Variants in NCKAP5 observed in about 807,000 individuals in gnomAD.
NCKAP5 encodes the protein nck-associated protein 5.
A neutral mutation model predicts 167.0 loss-of-function variants in NCKAP5; 92 were observed. That is an observed-to-expected ratio of 0.55 (90% CI 0.47 to 0.66). The LOEUF is 0.66. Ranked by LOEUF, NCKAP5 falls within the 30% of genes least tolerant of loss-of-function variation. The probability of loss-of-function intolerance (pLI) is 0.00; values close to 1 mark genes in which losing one functional copy is unlikely to be tolerated. For missense variants in NCKAP5, 2,378 were observed against 2,315.0 expected, an observed-to-expected ratio of 1.03 and a Z score of -0.56; for synonymous variants, 891 against 877.4, an observed-to-expected ratio of 1.02 and a Z score of -0.27.
the NCKAP5 span, among the ~76,000 whole-genome samples, chr2:133,661,735 C>T: frequency 6.6e-6 from 1 of 152,084 alleles, no homozygotes; most frequent in Non-Finnish European, 1.5e-5. Context: ...TCCCAACCAT[C>T]CCCCCATACC....
At chr2:133,251,917 T>C (rs2088361315) in intron 4 of NCKAP5, among the ~76,000 whole-genome samples, 1 of 152,204 alleles carries the variant, frequency 6.6e-6, no homozygotes, top group Non-Finnish European at 1.5e-5. Context: ...ATTGGAGTGG[T>C]TCTTTGAAAT....
At chr2:132,811,781 G>A (rs969698592) in intron 11 of NCKAP5, among the ~76,000 whole-genome samples, 2 of 152,240 alleles carry the variant, frequency 1.3e-5, no homozygotes, top group South Asian at 4.2e-4. Flanking sequence ...CTGAGTTCTG[G>A]CTAGGAAGCG....
At chr2:133,568,102 G>A (rs539483586) in intron 1 of NCKAP5, 114 bp downstream of exon 1, 1 of 152,070 alleles carries the variant, frequency 6.6e-6, no homozygotes, top group Non-Finnish European at 1.5e-5. Context: ...TGTGACAGCC[G>A]AAAGAGCCTG....
At chr2:132,907,764 T>G (rs1218678934) in intron 8 of NCKAP5, among the ~76,000 whole-genome samples, 1 of 152,052 alleles carries the variant, frequency 6.6e-6, no homozygotes, top group Non-Finnish European at 1.5e-5. Flanking sequence ...TTCACGCCAT[T>G]CTCCTGCCTC....
chr2:132,965,355 G>C (rs1397601235), intron 7 of NCKAP5, among the ~76,000 whole-genome samples: 2 of 152,154 alleles, frequency 1.3e-5, no homozygotes, highest in African/African-American at 4.8e-5. Flanking sequence ...TTGGTCACCT[G>C]TCAGACTTAC....
At chr2:133,160,443 T>C (rs1254185709) in intron 5 of NCKAP5, among the ~76,000 whole-genome samples, 7 of 147,992 alleles carry the variant, frequency 4.7e-5, no homozygotes, top group East Asian at 4.1e-4. Flanking sequence ...CTTTTTCTTT[T>C]TTTTTTTTTT....
chr2:132,860,126 C>T (rs763170171), intron 11 of NCKAP5, among the ~76,000 whole-genome samples: 2 of 152,154 alleles, frequency 1.3e-5, no homozygotes, highest in African/African-American at 4.8e-5. Context: ...AAAAAATGTG[C>T]TTTGGCACTA....
At chr2:133,546,095 C>G (rs1686644616) in intron 2 of NCKAP5, among the ~76,000 whole-genome samples, 1 of 151,750 alleles carries the variant, frequency 6.6e-6, no homozygotes, top group Non-Finnish European at 1.5e-5. Flanking sequence ...CCCCCCACAC[C>G]CCCGCCTTGC....
chr2:132,927,429 C>T (rs1041451285), intron 8 of NCKAP5, among the ~76,000 whole-genome samples: 1 of 151,968 alleles, frequency 6.6e-6, no homozygotes, highest in African/African-American at 2.4e-5. Flanking sequence ...ATAGGGATTA[C>T]ACTGAATATA....
chr2:133,196,309 A>C (rs1266252037), intron 5 of NCKAP5, among the ~76,000 whole-genome samples: 1 of 152,202 alleles, frequency 6.6e-6, no homozygotes, highest in Non-Finnish European at 1.5e-5. Flanking sequence ...TGGGCTTCCA[A>C]TAAGTACTAG....
chr2:132,728,088 C>G (rs1158031617), intron 18 of NCKAP5, among the ~76,000 whole-genome samples: 1 of 152,186 alleles, frequency 6.6e-6, no homozygotes, highest in African/African-American at 2.4e-5. Flanking sequence ...TCTTCCTCCT[C>G]CTTTCTCACC....
intron 11 of NCKAP5, among the ~76,000 whole-genome samples, chr2:132,809,795 T>C (rs375685963): frequency 1.4e-4 from 21 of 152,320 alleles, no homozygotes; most frequent in African/African-American, 4.8e-4. Flanking sequence ...TACCATTGCA[T>C]TTATTGGGCT....
intron 7 of NCKAP5, among the ~76,000 whole-genome samples, chr2:132,985,056 A>G (rs1180498578): frequency 1.3e-5 from 2 of 151,856 alleles, no homozygotes; most frequent in Non-Finnish European, 2.9e-5. Flanking sequence ...CTGGGGAAAC[A>G]GCGGGTACAT....
intron 15 of NCKAP5, among the ~76,000 whole-genome samples, chr2:132,779,388 T>C (rs1304087780): frequency 6.6e-6 from 1 of 152,210 alleles, no homozygotes. Flanking sequence ...TAAGGGGCTC[T>C]GCCAGGCTAT....
At chr2:133,652,480 G>A in the NCKAP5 span, among the ~76,000 whole-genome samples, 4 of 152,270 alleles carry the variant, frequency 2.6e-5, no homozygotes, top group South Asian at 8.3e-4. Context: ...ACGTATTGAC[G>A]GAGAATTCAT....
chr2:133,017,974 C>T (rs556027012), intron 6 of NCKAP5, among the ~76,000 whole-genome samples: 1 of 152,268 alleles, frequency 6.6e-6, no homozygotes, highest in South Asian at 2.1e-4. Flanking sequence ...AGAGTCTTTT[C>T]CAATCTTCCT....
chr2:132,975,320 T>C (rs2149249666), intron 7 of NCKAP5, among the ~76,000 whole-genome samples: 1 of 152,320 alleles, frequency 6.6e-6, no homozygotes. Context: ...GTTTTCTTTA[T>C]GTCTGTAATA....
At chr2:132,984,641 T>A (rs1946798) in intron 7 of NCKAP5, among the ~76,000 whole-genome samples, 66,669 of 151,822 alleles carry the variant, frequency 0.44, 16,445 homozygotes, top group Non-Finnish European at 0.56. Context: ...ATCTCAGTAA[T>A]GAAAGTGTAT....
At chr2:133,018,792 C>T (rs1318666372) in intron 6 of NCKAP5, among the ~76,000 whole-genome samples, 1 of 152,148 alleles carries the variant, frequency 6.6e-6, no homozygotes, top group African/African-American at 2.4e-5. Context: ...CAATCTTTTG[C>T]CACAGTAATT....
Sources: allele counts gnomAD v4.1 joint callset (sites outside exome capture counted in the v4.1 genomes callset), GRCh38; gene constraint gnomAD v4.1.1; transcripts MANE v1.5; gene names NCBI Gene and HGNC (gene_info 2026-07-23, HGNC 2026-07-21).